Variants in ANO4 observed in about 807,000 individuals in gnomAD.
The protein encoded by ANO4 is anoctamin 4, also known as anoctamin-4.
ANO4 carries 69 observed loss-of-function variants against 141.9 expected under a neutral mutation model. The ratio of observed to expected loss-of-function variants is 0.49; its 90% CI spans 0.40 to 0.59. ANO4 has a LOEUF of 0.59. Ranked by LOEUF, ANO4 falls within the 20% of genes least tolerant of loss-of-function variation. The probability of loss-of-function intolerance (pLI) is 0.00; values close to 1 mark genes in which losing one functional copy is unlikely to be tolerated. For missense variants in ANO4, 894 were observed against 1,162.2 expected (o/e 0.77, Z 3.36); for synonymous variants, 350 against 394.3 (o/e 0.89, Z 1.33).
intron 1 of ANO4, among the ~76,000 whole-genome samples, chr12:100,847,672 C>T (rs971095457): frequency 2.0e-5 from 3 of 152,072 alleles, no homozygotes; most frequent in South Asian, 2.1e-4. Context: ...GGGGTTTCAC[C>T]GTGTTAGCCA....
rs1593379234 is a variant in ANO4 at position 100,806,523 on chromosome 12, C to CTTTTTTTTTTTTTTTT, written c.-141+11496_-141+11497insTTTTTTTTTTTTTTTT. 4.0e-3 allele frequency among the ~76,000 whole-genome samples: 180 copies of CTTTTTTTTTTTTTTTT among 44,964 alleles called. 54 individuals carry two copies. The highest frequency in any genetic ancestry group is 0.011 in the Middle Eastern group (1 of 90). 29.5% of individuals were successfully genotyped at this position (44,964 alleles called of 152,430 possible). On this transcript the variant is annotated intron_variant, in intron 1 of 27. Transcript: ENST00000392977. The stretch of plus-strand genomic sequence containing the variant: ...TTTTTAGGAGGTTTTTTTTTTGTTT[C>CTTTTTTTTTTTTTTTT]GTTTTTTTTTTTTTTTTTTTTTTTT...
chr12:101,016,711 T>C (rs1017992433), intron 8 of ANO4, among the ~76,000 whole-genome samples: 1 of 152,208 alleles, frequency 6.6e-6, no homozygotes, highest in Non-Finnish European at 1.5e-5. Flanking sequence ...AAGTGGGCCA[T>C]GTGGGCGGAC....
chr12:100,916,476 T>C (rs1271151779), intron 2 of ANO4, among the ~76,000 whole-genome samples: 1 of 152,104 alleles, frequency 6.6e-6, no homozygotes, highest in Non-Finnish European at 1.5e-5. Context: ...CAAGGCCTTG[T>C]TCTAGGTTTT....
At chr12:100,865,583 A>G (rs2038714060) in intron 1 of ANO4, among the ~76,000 whole-genome samples, 1 of 152,222 alleles carries the variant, frequency 6.6e-6, no homozygotes, top group Non-Finnish European at 1.5e-5. Context: ...CATTAGAGAA[A>G]TGCAAATCAA....
chr12:100,828,580 C>A (rs2036482224), intron 1 of ANO4, among the ~76,000 whole-genome samples: 1 of 152,012 alleles, frequency 6.6e-6, no homozygotes. Flanking sequence ...AAAATAATAG[C>A]CCATGCGGTG....
At chr12:100,904,325 T>C (rs1439251356) in intron 2 of ANO4, among the ~76,000 whole-genome samples, 3 of 152,180 alleles carry the variant, frequency 2.0e-5, no homozygotes, top group Non-Finnish European at 4.4e-5. Context: ...ACCAACTGTG[T>C]AATCTATATT....
intron 15 of ANO4, among the ~76,000 whole-genome samples, chr12:101,080,458 T>G (rs1418831793): frequency 6.6e-6 from 1 of 152,128 alleles, no homozygotes; most frequent in Non-Finnish European, 1.5e-5. Flanking sequence ...TGATAAGGCT[T>G]TCTTTCATGT....
intron 5 of ANO4, among the ~76,000 whole-genome samples, chr12:100,948,683 G>T (rs2042845393): frequency 6.6e-6 from 1 of 152,108 alleles, no homozygotes; most frequent in Non-Finnish European, 1.5e-5. Flanking sequence ...AATTGTGAAG[G>T]TGGCCCGCGA....
rs188444001 is a variant in ANO4, at chr12:101,015,950, T to C, written c.735-4084T>C. On this transcript the variant is annotated intron_variant, in intron 8 of 27. Transcript: ENST00000392977. ...GATATGGGGAATCATCACTGTTCCTTCTCATAATCCTCCAGTTTGAAAGAA... is the reference window on the plus strand; with the variant it reads ...GATATGGGGAATCATCACTGTTCCTCCTCATAATCCTCCAGTTTGAAAGAA... 3.3e-4 allele frequency among the ~76,000 whole-genome samples: 50 copies of C among 152,286 alleles called. 1 individual carries two copies. The highest frequency in any genetic ancestry group is 3.3e-3 in the Admixed American group (50 of 15,296).
intron 14 of ANO4, among the ~76,000 whole-genome samples, chr12:101,073,610 G>C (rs1453557070): frequency 5.1e-5 from 5 of 98,326 alleles, no homozygotes; most frequent in Admixed American, 1.1e-4. Flanking sequence ...GAAAATAATA[G>C]GGTGTGGCCT....
intron 13 of ANO4, among the ~76,000 whole-genome samples, chr12:101,046,667 C>T (rs75533832): frequency 2.6e-5 from 4 of 152,320 alleles, no homozygotes; most frequent in Non-Finnish European, 5.9e-5. Context: ...AACTGACTAT[C>T]TCATTGGGAA....
At chr12:100,875,900 A>G (rs905183758) in intron 1 of ANO4, among the ~76,000 whole-genome samples, 10 of 152,200 alleles carry the variant, frequency 6.6e-5, no homozygotes, top group Admixed American at 3.3e-4. Context: ...TGGCCATGTC[A>G]AGTTTGAAAT....
chr12:101,086,022 T>C (rs983388824), intron 16 of ANO4, among the ~76,000 whole-genome samples: 2 of 151,822 alleles, frequency 1.3e-5, no homozygotes, highest in Non-Finnish European at 1.5e-5. Flanking sequence ...GAAGAACTTT[T>C]ATTATGAAGT....
At chr12:101,064,771 A>G (rs2048508676) in intron 14 of ANO4, among the ~76,000 whole-genome samples, 1 of 152,104 alleles carries the variant, frequency 6.6e-6, no homozygotes, top group Admixed American at 6.5e-5. Context: ...CAACGGTCCA[A>G]AAATATTAAA....
At chr12:100,876,858 A>G (rs546198944) in intron 1 of ANO4, among the ~76,000 whole-genome samples, 33 of 152,272 alleles carry the variant, frequency 2.2e-4, no homozygotes, top group African/African-American at 7.5e-4. Flanking sequence ...TACTTTAGCT[A>G]TGTAATATGT....
intron 8 of ANO4, among the ~76,000 whole-genome samples, chr12:101,015,328 G>A (rs1006896959): frequency 1.2e-4 from 19 of 152,080 alleles, no homozygotes; most frequent in African/African-American, 4.6e-4. Flanking sequence ...TCATATGCAT[G>A]TACTTCCTAA....
chr12:100,811,151 G>A (rs949787191), intron 1 of ANO4, among the ~76,000 whole-genome samples: 4 of 152,204 alleles, frequency 2.6e-5, no homozygotes, highest in Admixed American at 6.5e-5. Context: ...TAATTTGGGC[G>A]GTCACAGAAA....
intron 1 of ANO4, among the ~76,000 whole-genome samples, chr12:100,863,346 G>T (rs1423549730): frequency 6.6e-6 from 1 of 152,218 alleles, no homozygotes; most frequent in Non-Finnish European, 1.5e-5. Flanking sequence ...AGGGTGACCA[G>T]TTAGACATCT....
chr12:100,800,068 A>G (rs2034588586), intron 1 of ANO4, among the ~76,000 whole-genome samples: 1 of 152,128 alleles, frequency 6.6e-6, no homozygotes, highest in East Asian at 1.9e-4. Context: ...GCAAATGTTT[A>G]TGGTAATTTG....
Sources: allele counts gnomAD v4.1 joint callset (sites outside exome capture counted in the v4.1 genomes callset), GRCh38; gene constraint gnomAD v4.1.1; transcripts MANE v1.5; gene names NCBI Gene and HGNC (gene_info 2026-07-23, HGNC 2026-07-21).